Variants in STAG1 observed in about 807,000 individuals in gnomAD.
STAG1 encodes cohesin subunit SA-1.
A neutral mutation model predicts 170.9 loss-of-function variants in STAG1; 26 were observed. That is an observed-to-expected ratio of 0.15 (90% CI 0.11 to 0.21). STAG1 has a LOEUF of 0.21. STAG1 is among the 10% of genes least tolerant of loss of function. The pLI is 1.00. For missense variants in STAG1, 964 were observed against 1,509.5 expected (o/e 0.64, Z 5.99); for synonymous variants, 514 against 497.7 (o/e 1.03, Z -0.44).
chr3:136,492,709 T>G (rs916405961), intron 9 of STAG1, among the ~76,000 whole-genome samples: 1 of 152,080 alleles, frequency 6.6e-6, no homozygotes, highest in Non-Finnish European at 1.5e-5. Context: ...CAAAATGAAG[T>G]CCTTCAAACT....
intron 21 of STAG1, among the ~76,000 whole-genome samples, chr3:136,412,343 T>A (rs112684716): frequency 4.6e-5 from 7 of 152,332 alleles, no homozygotes; most frequent in African/African-American, 1.4e-4. Context: ...TAGTCACTAC[T>A]CTGTGACCCT....
intron 3 of STAG1, among the ~76,000 whole-genome samples, chr3:136,606,992 C>T (rs145429132): frequency 1.3e-5 from 2 of 152,058 alleles, no homozygotes; most frequent in African/African-American, 2.4e-5. Context: ...CCTCGTGATC[C>T]GCCCACCTCA....
At chr3:136,556,597 T>G (rs561629749) in intron 5 of STAG1, among the ~76,000 whole-genome samples, 16 of 152,180 alleles carry the variant, frequency 1.1e-4, no homozygotes, top group African/African-American at 2.9e-4. Flanking sequence ...TTGTTTGTTT[T>G]TTTGAGACAG....
At chr3:136,551,179 T>G (rs1243931920) in intron 5 of STAG1, among the ~76,000 whole-genome samples, 1 of 144,080 alleles carries the variant, frequency 6.9e-6, no homozygotes, top group African/African-American at 2.6e-5. Flanking sequence ...TTTTTTTTTT[T>G]TGAGAGAGAG....
At chr3:136,413,941 C>T (rs116734142) in intron 21 of STAG1, among the ~76,000 whole-genome samples, 167 of 152,296 alleles carry the variant, frequency 1.1e-3, no homozygotes, top group Non-Finnish European at 2.0e-3. Flanking sequence ...CCTTTGGTTT[C>T]GCAGTGCATA....
chr3:136,557,149 A>T (rs144972847), intron 5 of STAG1, among the ~76,000 whole-genome samples: 3 of 152,156 alleles, frequency 2.0e-5, no homozygotes, highest in Non-Finnish European at 4.4e-5. Flanking sequence ...AAGTGGGAGG[A>T]TCACCTAAGC....
chr3:136,701,360 A>T (rs918647078), intron 1 of STAG1, among the ~76,000 whole-genome samples: 1 of 152,090 alleles, frequency 6.6e-6, no homozygotes, highest in Admixed American at 6.6e-5. Context: ...CTTGATTAAA[A>T]CTTAACCTCA....
At chr3:136,663,197 T>TGTATGGATGAGTAA (rs1559937145) in intron 1 of STAG1, among the ~76,000 whole-genome samples, 2 of 152,108 alleles carry the variant, frequency 1.3e-5, no homozygotes, top group Non-Finnish European at 2.9e-5. Context: ...AGGATATATA[T>TGTATGGATGAGTAA]GTATGGATGA....
intron 1 of STAG1, among the ~76,000 whole-genome samples, chr3:136,655,482 G>T (rs1000069506): frequency 6.6e-5 from 10 of 152,186 alleles, no homozygotes. Context: ...CCAGAAAGTA[G>T]GCTGGGTGCT....
At chr3:136,419,477 C>G (rs879736775) in intron 20 of STAG1, among the ~76,000 whole-genome samples, 2 of 151,970 alleles carry the variant, frequency 1.3e-5, no homozygotes, top group Non-Finnish European at 2.9e-5. Flanking sequence ...AAGAGAGAGT[C>G]TTGCTCTGTT....
chr3:136,744,498 C>T (rs949935406), intron 1 of STAG1, among the ~76,000 whole-genome samples: 2 of 152,108 alleles, frequency 1.3e-5, no homozygotes, highest in African/African-American at 4.8e-5. Context: ...TCTACATTCT[C>T]ACCAATACTT....
At chr3:136,463,114 C>G (rs1027052036) in intron 13 of STAG1, among the ~76,000 whole-genome samples, 1 of 152,134 alleles carries the variant, frequency 6.6e-6, no homozygotes, top group African/African-American at 2.4e-5. Flanking sequence ...AATATAAAAT[C>G]AGCATTATTC....
intron 9 of STAG1, among the ~76,000 whole-genome samples, chr3:136,484,937 G>C (rs1213964724): frequency 6.7e-6 from 1 of 150,142 alleles, no homozygotes; most frequent in Non-Finnish European, 1.5e-5. Context: ...GCTTCGGCTC[G>C]CGCACGGTGC....
At chr3:136,677,475 G>C (rs1045705890) in intron 1 of STAG1, among the ~76,000 whole-genome samples, 11 of 152,106 alleles carry the variant, frequency 7.2e-5, no homozygotes, top group Non-Finnish European at 1.2e-4. Context: ...GGAGAAACGA[G>C]AATTGCTATG....
intron 13 of STAG1, among the ~76,000 whole-genome samples, chr3:136,459,233 A>G (rs887957079): frequency 2.6e-5 from 4 of 151,286 alleles, no homozygotes; most frequent in African/African-American, 9.7e-5. Flanking sequence ...AAAAAAAAAA[A>G]AAAGAAAAGA....
chr3:136,701,969 T>C (rs1259006246), intron 1 of STAG1, among the ~76,000 whole-genome samples: 1 of 151,938 alleles, frequency 6.6e-6, no homozygotes, highest in African/African-American at 2.4e-5. Context: ...TACTCTTTTT[T>C]TTTTTTGAGG....
chr3:136,625,275 T>A (rs1243836413), intron 2 of STAG1, among the ~76,000 whole-genome samples: 3 of 152,238 alleles, frequency 2.0e-5, no homozygotes. Context: ...AAAGCTCAAC[T>A]GTTAGGTCTG....
intron 3 of STAG1, chr3:136,609,339 G>A (rs1381591388): frequency 6.8e-6 from 1 of 146,508 alleles, no homozygotes; most frequent in Non-Finnish European, 1.5e-5. Flanking sequence ...TCATATATGT[G>A]TATATATATT....
At chr3:136,349,639 C>A (rs942710398) in intron 28 of STAG1, among the ~76,000 whole-genome samples, 4 of 151,606 alleles carry the variant, frequency 2.6e-5, no homozygotes, top group Non-Finnish European at 5.9e-5. Context: ...CTTTTAAACA[C>A]CAATGTTAAA....
Sources: gnomAD v4.1 joint callset for allele counts (sites outside exome capture counted in the v4.1 genomes callset) on GRCh38, gnomAD v4.1.1 for gene constraint, MANE v1.5 for transcripts, NCBI Gene and HGNC (gene_info 2026-07-23, HGNC 2026-07-21) for gene names.